Variants in ATE1 observed in about 807,000 individuals in gnomAD.
ATE1 encodes the protein arginyltransferase 1.
Under a neutral mutation model 70.5 loss-of-function variants are expected in ATE1, and 36 were observed. The observed-to-expected ratio is 0.51, with a 90% CI of 0.39 to 0.67. ATE1 has a LOEUF of 0.67. Among genes scored for constraint, ATE1 ranks in the 30% least tolerant of loss-of-function variants. ATE1 has a pLI of 0.00. For synonymous variants in ATE1, 232 were observed against 219.3 expected (o/e 1.06, Z -0.51); for missense variants, 593 against 629.5 (o/e 0.94, Z 0.62).
chr10:121,877,126 T>C (rs938041544), intron 7 of ATE1, among the ~76,000 whole-genome samples: 1 of 152,208 alleles, frequency 6.6e-6, no homozygotes, highest in Admixed American at 6.5e-5. Context: ...GGTGGCATTC[T>C]GTACTGATTT....
At chr10:121,844,202 C>T (rs1171234294) in intron 8 of ATE1, among the ~76,000 whole-genome samples, 2 of 152,236 alleles carry the variant, frequency 1.3e-5, no homozygotes, top group Admixed American at 1.3e-4. Context: ...GAGTTCAAGG[C>T]TGCAGTGAGC....
intron 11 of ATE1, among the ~76,000 whole-genome samples, chr10:121,783,117 GT>G (rs1946065306): frequency 6.6e-6 from 1 of 151,952 alleles, no homozygotes; most frequent in Non-Finnish European, 1.5e-5. Context: ...TCATACCTAT[GT>G]TTTTTACTTT....
At chr10:121,853,192 G>A (rs920489657) in intron 8 of ATE1, among the ~76,000 whole-genome samples, 10 of 151,776 alleles carry the variant, frequency 6.6e-5, no homozygotes, top group Non-Finnish European at 1.2e-4. Context: ...GTGAAACCCC[G>A]TCTCTACTAA....
At chr10:121,870,376 CA>C (rs1949809119) in intron 7 of ATE1, among the ~76,000 whole-genome samples, 2 of 152,168 alleles carry the variant, frequency 1.3e-5, no homozygotes, top group Admixed American at 6.5e-5. Flanking sequence ...GAAAAATCAG[CA>C]ATCTTCCTGA....
intron 10 of ATE1, among the ~76,000 whole-genome samples, chr10:121,791,683 A>T (rs149057504): frequency 6.6e-6 from 1 of 152,216 alleles, no homozygotes; most frequent in Non-Finnish European, 1.5e-5. Flanking sequence ...AATACATTCT[A>T]TATCACAGCC....
At chr10:121,924,475 CA>C in intron 1 of ATE1, 146 bp from the exon 2 acceptor site, 1 of 679,552 alleles carries the variant, frequency 1.5e-6, no homozygotes, top group Admixed American at 2.4e-5. Flanking sequence ...CCAAGGCGGG[CA>C]AATCACAAGG....
chr10:121,873,728 T>C (rs1217917323), intron 7 of ATE1, among the ~76,000 whole-genome samples: 4 of 151,996 alleles, frequency 2.6e-5, no homozygotes. Context: ...ATGATAATTA[T>C]TTTCTCTTTG....
intron 7 of ATE1, among the ~76,000 whole-genome samples, chr10:121,876,882 CG>C (rs1950069790): frequency 6.6e-6 from 1 of 150,868 alleles, no homozygotes; most frequent in Non-Finnish European, 1.5e-5. Context: ...AGGAGAATGG[CG>C]GGAACCCGGG....
At chr10:121,852,416 AAC>A (rs1456223664) in intron 8 of ATE1, among the ~76,000 whole-genome samples, 1 of 150,510 alleles carries the variant, frequency 6.6e-6, no homozygotes, top group Non-Finnish European at 1.5e-5. Context: ...ATTTTTTTTT[AAC>A]AGTTTCATGA....
intron 8 of ATE1, among the ~76,000 whole-genome samples, chr10:121,846,309 T>C (rs2133828396): frequency 6.6e-6 from 1 of 152,288 alleles, no homozygotes; most frequent in African/African-American, 2.4e-5. Flanking sequence ...CACTGATATA[T>C]ATGATTGAAT....
At chr10:121,894,668 G>A (rs1396742538) in intron 7 of ATE1, among the ~76,000 whole-genome samples, 2 of 152,166 alleles carry the variant, frequency 1.3e-5, no homozygotes, top group South Asian at 2.1e-4. Flanking sequence ...GGGAGGCTGA[G>A]GCAGGCAGAT....
At chr10:121,768,496 G>C (rs1945368830) in intron 11 of ATE1, among the ~76,000 whole-genome samples, 1 of 152,012 alleles carries the variant, frequency 6.6e-6, no homozygotes. Context: ...AATCACTCAG[G>C]GCACATAGCA....
rs113524022 is a variant in ATE1 at position 121,884,671 on chromosome 10, G to T, written c.943-14633C>A. On this transcript the variant is annotated intron_variant, in intron 7 of 11. Transcript: ENST00000224652. ...GGAAAGAAAGATGAATGTTCCCAGT[G>T]CTAGTTTTGACTCCACCCCTTTGGA... 1.1e-3 allele frequency among the ~76,000 whole-genome samples: 173 copies of T among 152,276 alleles called. 1 individual carries two copies. Among genetic ancestry groups the T allele is most frequent in the African/African-American group, 3.9e-3 (164 of 41,554 alleles).
At chr10:121,901,038 G>A (rs1303100649) in intron 6 of ATE1, among the ~76,000 whole-genome samples, 5 of 152,050 alleles carry the variant, frequency 3.3e-5, no homozygotes, top group African/African-American at 4.8e-5. Flanking sequence ...AGGCCGAGGC[G>A]GGTGATCACC....
intron 6 of ATE1, among the ~76,000 whole-genome samples, chr10:121,901,955 T>C (rs979647968): frequency 6.6e-6 from 1 of 152,224 alleles, no homozygotes; most frequent in African/African-American, 2.4e-5. Flanking sequence ...TGCTGGCTTA[T>C]GTATATGACA....
chr10:121,890,085 C>T (rs1277596694), intron 7 of ATE1, among the ~76,000 whole-genome samples: 1 of 152,120 alleles, frequency 6.6e-6, no homozygotes, highest in East Asian at 1.9e-4. Context: ...GTGTTCATTA[C>T]ATTCTTTCAA....
intron 5 of ATE1, among the ~76,000 whole-genome samples, chr10:121,903,401 T>C (rs570992579): frequency 6.6e-6 from 1 of 152,268 alleles, no homozygotes; most frequent in South Asian, 2.1e-4. Flanking sequence ...GACAGGTTTT[T>C]TTAAATTAAA....
At chr10:121,746,454 TA>T (rs1419320306) in intron 11 of ATE1, among the ~76,000 whole-genome samples, 1 of 152,212 alleles carries the variant, frequency 6.6e-6, no homozygotes, top group Non-Finnish European at 1.5e-5. Context: ...ATCTAAAAAA[TA>T]GTTGTTTTTA....
chr10:121,821,727 A>G (rs1010234453), intron 10 of ATE1, among the ~76,000 whole-genome samples: 1 of 152,144 alleles, frequency 6.6e-6, no homozygotes, highest in Non-Finnish European at 1.5e-5. Context: ...CTAAAAATAC[A>G]AAAATTAGCT....
Sources: gnomAD v4.1 joint callset for allele counts (sites outside exome capture counted in the v4.1 genomes callset) on GRCh38, gnomAD v4.1.1 for gene constraint, MANE v1.5 for transcripts, NCBI Gene and HGNC (gene_info 2026-07-23, HGNC 2026-07-21) for gene names.